Variants in SLC35D4 observed in about 807,000 individuals in gnomAD.
SLC35D4 encodes solute carrier family 35 member D4.
At chr18:23,248,157 G>T in the SLC35D4 span, among the ~76,000 whole-genome samples, 1 of 152,248 alleles carries the variant, frequency 6.6e-6, no homozygotes, top group Non-Finnish European at 1.5e-5. Context: ...GCTCTCAGGG[G>T]TCCTCTAAAT....
At chr18:23,416,165 C>T in the SLC35D4 span, among the ~76,000 whole-genome samples, 3 of 152,182 alleles carry the variant, frequency 2.0e-5, no homozygotes. Context: ...GAGCCGAGAT[C>T]GTGCCATTGC....
the SLC35D4 span, chr18:23,257,634 A>C: frequency 2.9e-6 from 1 of 341,208 alleles, no homozygotes; most frequent in Non-Finnish European, 5.2e-6. Context: ...ACTAGCGAGA[A>C]TCCCTAGCTG....
chr18:23,395,858 C>G, the SLC35D4 span, among the ~76,000 whole-genome samples: 1 of 152,206 alleles, frequency 6.6e-6, no homozygotes, highest in Non-Finnish European at 1.5e-5. Context: ...CAGCCCAAGT[C>G]CAACTCACAC....
At chr18:23,400,390 A>G in the SLC35D4 span, among the ~76,000 whole-genome samples, 1 of 152,082 alleles carries the variant, frequency 6.6e-6, no homozygotes, top group South Asian at 2.1e-4. Flanking sequence ...TTGGGAGGCT[A>G]AGACAGGTGG....
chr18:23,253,839 A>G, the SLC35D4 span: 5 of 1,614,130 alleles, frequency 3.1e-6, no homozygotes, highest in African/African-American at 6.7e-5. Flanking sequence ...GGGAAACTCA[A>G]CAAACAGAAC....
chr18:23,328,381 A>G, the SLC35D4 span, among the ~76,000 whole-genome samples: 1 of 152,250 alleles, frequency 6.6e-6, no homozygotes, highest in Admixed American at 6.5e-5. Flanking sequence ...TCAATGTGCA[A>G]AAATCATAAG....
the SLC35D4 span, among the ~76,000 whole-genome samples, chr18:23,271,906 T>A: frequency 6.6e-6 from 1 of 152,320 alleles, no homozygotes; most frequent in South Asian, 2.1e-4. Flanking sequence ...AGAGTGGGAA[T>A]GGAAACTCTG....
At chr18:23,252,692 C>T in the SLC35D4 span, among the ~76,000 whole-genome samples, 1 of 152,180 alleles carries the variant, frequency 6.6e-6, no homozygotes, top group Non-Finnish European at 1.5e-5. Context: ...GGCACCCCTC[C>T]CTCTCAGGCA....
the SLC35D4 span, among the ~76,000 whole-genome samples, chr18:23,275,653 T>C: frequency 1.4e-5 from 2 of 138,508 alleles, no homozygotes; most frequent in African/African-American, 5.5e-5. Flanking sequence ...TGTGCTGTGC[T>C]GTGCTTTGTT....
chr18:23,253,885 A>G, the SLC35D4 span: 2 of 1,614,224 alleles, frequency 1.2e-6, no homozygotes, highest in Non-Finnish European at 1.7e-6. Context: ...TGCTGTTAGC[A>G]GCCAAAATTG....
the SLC35D4 span, among the ~76,000 whole-genome samples, chr18:23,262,596 C>T: frequency 6.6e-6 from 1 of 152,222 alleles, no homozygotes; most frequent in Admixed American, 6.5e-5. Flanking sequence ...CTGCTGGGGG[C>T]AGGTGCAAGG....
At chr18:23,339,056 T>TA in the SLC35D4 span, among the ~76,000 whole-genome samples, 2 of 151,508 alleles carry the variant, frequency 1.3e-5, no homozygotes, top group East Asian at 1.9e-4. Flanking sequence ...CCTGGCTAAT[T>TA]AAAAAAAAAC....
At chr18:23,411,215 AGAGGG>A in the SLC35D4 span, among the ~76,000 whole-genome samples, 3 of 112,702 alleles carry the variant, frequency 2.7e-5, no homozygotes, top group Non-Finnish European at 3.4e-5. Flanking sequence ...GGAAAGAAAG[AGAGGG>A]GAGGGGAGGG....
the SLC35D4 span, among the ~76,000 whole-genome samples, chr18:23,422,066 C>T: frequency 1.3e-5 from 2 of 152,066 alleles, no homozygotes; most frequent in African/African-American, 2.4e-5. Context: ...TTCCCAAATC[C>T]CCGTTCTCAC....
chr18:23,367,599 C>T, the SLC35D4 span, among the ~76,000 whole-genome samples: 87 of 152,114 alleles, frequency 5.7e-4, no homozygotes, highest in Non-Finnish European at 9.6e-4. Context: ...ACTGTGACCT[C>T]CTTGGGGGCA....
the SLC35D4 span, among the ~76,000 whole-genome samples, chr18:23,357,391 T>G: frequency 6.6e-6 from 1 of 152,234 alleles, no homozygotes; most frequent in Non-Finnish European, 1.5e-5. Context: ...AATTTGAACT[T>G]GGTCACAAAC....
chr18:23,349,308 G>A, the SLC35D4 span, among the ~76,000 whole-genome samples: 1 of 152,034 alleles, frequency 6.6e-6, no homozygotes, highest in East Asian at 1.9e-4. Context: ...AGGTCTCTGA[G>A]GCTCTGTTCA....
At chr18:23,395,075 T>TACCA in the SLC35D4 span, among the ~76,000 whole-genome samples, 2 of 151,982 alleles carry the variant, frequency 1.3e-5, no homozygotes, top group Admixed American at 1.3e-4. Flanking sequence ...GGGAGGAGTT[T>TACCA]ACTGTATTGC....
At chr18:23,276,535 G>A in the SLC35D4 span, among the ~76,000 whole-genome samples, 4 of 151,994 alleles carry the variant, frequency 2.6e-5, no homozygotes, top group Non-Finnish European at 4.4e-5. Flanking sequence ...GCCTGGGGAG[G>A]AGGACATTCA....
Sources: gnomAD v4.1 joint callset for allele counts (sites outside exome capture counted in the v4.1 genomes callset) on GRCh38, gnomAD v4.1.1 for gene constraint, MANE v1.5 for transcripts, NCBI Gene and HGNC (gene_info 2026-07-23, HGNC 2026-07-21) for gene names.